GALNT1: variants seen among roughly 807,000 people sequenced by gnomAD.
The protein encoded by GALNT1 is GalNAc transferase 1.
GALNT1 carries 17 observed loss-of-function variants against 65.7 expected under a neutral mutation model. That is an observed-to-expected ratio of 0.26 (90% confidence interval 0.18 to 0.39). GALNT1 has a LOEUF of 0.39. Ranked by LOEUF, GALNT1 falls within the 10% of genes least tolerant of loss-of-function variation. The probability of loss-of-function intolerance (pLI) is 1.00; values close to 1 mark genes in which losing one functional copy is unlikely to be tolerated. For synonymous variants in GALNT1, 210 were observed against 219.7 expected (o/e 0.96, Z 0.39); for missense variants, 460 against 672.8 (o/e 0.68, Z 3.50).
At chr18:35,624,185 T>C (rs756891122) in intron 1 of GALNT1, among the ~76,000 whole-genome samples, 3 of 152,230 alleles carry the variant, frequency 2.0e-5, no homozygotes, top group Non-Finnish European at 4.4e-5. Flanking sequence ...CAACTAAAGA[T>C]GGTGGTGAAG....
intron 1 of GALNT1, among the ~76,000 whole-genome samples, chr18:35,616,895 C>T (rs569718678): frequency 6.6e-6 from 1 of 152,094 alleles, no homozygotes; most frequent in African/African-American, 2.4e-5. Flanking sequence ...GAAGATAAAA[C>T]CCACTTGAAA....
chr18:35,642,458 G>T, intron 1 of GALNT1, among the ~76,000 whole-genome samples: 1 of 152,156 alleles, frequency 6.6e-6, no homozygotes, highest in East Asian at 1.9e-4. Flanking sequence ...AGGAAGGACC[G>T]TAAGAATAGG....
chr18:35,595,741 G>A (rs1319315342), intron 1 of GALNT1, among the ~76,000 whole-genome samples: 1 of 151,944 alleles, frequency 6.6e-6, no homozygotes, highest in Non-Finnish European at 1.5e-5. Flanking sequence ...TGTTTACATA[G>A]TAAAATATCC....
At chr18:35,603,938 C>T (rs1185909183) in intron 1 of GALNT1, among the ~76,000 whole-genome samples, 1 of 152,014 alleles carries the variant, frequency 6.6e-6, no homozygotes, top group Non-Finnish European at 1.5e-5. Context: ...TTCTTTCCAA[C>T]TTTTAGGTTC....
intron 3 of GALNT1, among the ~76,000 whole-genome samples, chr18:35,671,876 C>T (rs1409710197): frequency 6.6e-6 from 1 of 152,178 alleles, no homozygotes; most frequent in Non-Finnish European, 1.5e-5. Flanking sequence ...AATTGTGGGA[C>T]ATTCCTAGCT....
At chr18:35,613,877 A>G (rs911574531) in intron 1 of GALNT1, among the ~76,000 whole-genome samples, 12 of 149,154 alleles carry the variant, frequency 8.0e-5, no homozygotes, top group East Asian at 7.8e-4. Flanking sequence ...ATGGTGGGGG[A>G]AAAAAAAACA....
At chr18:35,650,570 C>T (rs1052156672) in intron 1 of GALNT1, among the ~76,000 whole-genome samples, 3 of 152,250 alleles carry the variant, frequency 2.0e-5, no homozygotes, top group East Asian at 1.9e-4. Flanking sequence ...TATCTACAAC[C>T]ATAAAAGACA....
chr18:35,623,895 C>G (rs774554796), intron 1 of GALNT1, among the ~76,000 whole-genome samples: 4 of 152,148 alleles, frequency 2.6e-5, no homozygotes, highest in Non-Finnish European at 4.4e-5. Context: ...TGTTCAGTAT[C>G]CATTGACTGC....
At chr18:35,636,795 T>C (rs1008391366) in intron 1 of GALNT1, among the ~76,000 whole-genome samples, 1 of 149,092 alleles carries the variant, frequency 6.7e-6, no homozygotes, top group Non-Finnish European at 1.5e-5. Flanking sequence ...TTTTTTTTTT[T>C]TTTTTTTTTT....
intron 1 of GALNT1, among the ~76,000 whole-genome samples, chr18:35,595,001 G>A (rs1402751498): frequency 2.6e-5 from 4 of 152,128 alleles, no homozygotes; most frequent in Non-Finnish European, 5.9e-5. Flanking sequence ...GGTAACTCTA[G>A]TGTTGAAATC....
chr18:35,635,524 C>CGT (rs2047077678), intron 1 of GALNT1, among the ~76,000 whole-genome samples: 1 of 152,172 alleles, frequency 6.6e-6, no homozygotes, highest in African/African-American at 2.4e-5. Flanking sequence ...GGGTCATTGC[C>CGT]GTGACTCCAG....
At chr18:35,690,915 C>A (rs2047950776) in intron 7 of GALNT1, 97 bp from the exon 8 acceptor site, 1 of 1,133,896 alleles carries the variant, frequency 8.8e-7, no homozygotes, top group South Asian at 1.8e-5. Flanking sequence ...AAGCCAAACC[C>A]CTATTTAATT....
chr18:35,671,740 G>A (rs1270678392), intron 3 of GALNT1, among the ~76,000 whole-genome samples: 9 of 152,004 alleles, frequency 5.9e-5, no homozygotes, highest in South Asian at 2.1e-4. Flanking sequence ...TTTGGAAGCC[G>A]TACACTTTTC....
At chr18:35,601,105 A>G (rs1287879574) in intron 1 of GALNT1, among the ~76,000 whole-genome samples, 1 of 152,056 alleles carries the variant, frequency 6.6e-6, no homozygotes, top group Non-Finnish European at 1.5e-5. Flanking sequence ...CTTTTTATTT[A>G]CAGATTTAAT....
intron 9 of GALNT1, among the ~76,000 whole-genome samples, chr18:35,701,918 T>C (rs1229902217): frequency 6.6e-6 from 1 of 152,196 alleles, no homozygotes; most frequent in Admixed American, 6.5e-5. Flanking sequence ...CTGTTCATGC[T>C]GGACTCTGAA....
At chr18:35,594,433 GA>G (rs1184098528) in intron 1 of GALNT1, among the ~76,000 whole-genome samples, 1 of 151,898 alleles carries the variant, frequency 6.6e-6, no homozygotes, top group Non-Finnish European at 1.5e-5. Context: ...GAGGGTGAGA[GA>G]GGGGGTCCAG....
At chr18:35,599,393 A>C (rs2143939184) in intron 1 of GALNT1, among the ~76,000 whole-genome samples, 1 of 140,774 alleles carries the variant, frequency 7.1e-6, no homozygotes, top group African/African-American at 2.9e-5. Flanking sequence ...TTTTAAGACA[A>C]GGTCTCACTC....
intron 9 of GALNT1, among the ~76,000 whole-genome samples, chr18:35,698,972 A>T (rs2048109732): frequency 6.6e-6 from 1 of 151,612 alleles, no homozygotes; most frequent in African/African-American, 2.4e-5. Flanking sequence ...ACAGAGTGAG[A>T]CTCTGTCTCA....
At position 35,692,242 on chromosome 18, in the gene GALNT1, A is replaced by G. The variant is rs767221607; in HGVS notation, c.1221A>G (p.Gln407=). ...GAGTTGGTCTAAGACACAAACTACAATGCAAACCTTTTTCCTGGTACCTAG... is the reference window on the plus strand; with the variant it reads ...GAGTTGGTCTAAGACACAAACTACAGTGCAAACCTTTTTCCTGGTACCTAG... The part of the protein sequence containing the change: ...SSRVGLRHKL[Q]CKPFSWYLEN... Residue 407 remains glutamine (Q), a synonymous_variant, in exon 9 of 12, where the codon CAA becomes CAG. Transcript: ENST00000269195. The G allele has an allele frequency of 2.5e-6, 4 of 1,608,998 alleles. No homozygotes were observed. In the East Asian group the frequency reaches 8.9e-5, roughly 36 times the overall value.
Sources: gnomAD v4.1 joint callset for allele counts (sites outside exome capture counted in the v4.1 genomes callset) on GRCh38, gnomAD v4.1.1 for gene constraint, MANE v1.5 for transcripts, NCBI Gene and HGNC (gene_info 2026-07-23, HGNC 2026-07-21) for gene names.